The following CACNA1C variants were observed in gnomAD, a reference collection of about 807,000 sequenced individuals.
CACNA1C encodes voltage-dependent L-type calcium channel subunit alpha-1C.
Under a neutral mutation model 229.0 loss-of-function variants are expected in CACNA1C, and 30 were observed. The observed-to-expected ratio is 0.13, with a 90% CI of 0.10 to 0.18. CACNA1C has a LOEUF of 0.18. Among genes scored for constraint, CACNA1C ranks in the 10% least tolerant of loss-of-function variants. CACNA1C has a pLI of 1.00. For synonymous variants in CACNA1C, 1,114 were observed against 1,132.5 expected (o/e 0.98, Z 0.33); for missense variants, 1,658 against 2,845.0 (o/e 0.58, Z 9.49).
chr12:2,360,724 C>T (rs1002494256), intron 3 of CACNA1C, among the ~76,000 whole-genome samples: 1 of 152,214 alleles, frequency 6.6e-6, no homozygotes, highest in African/African-American at 2.4e-5. Context: ...TCTCTGAGGT[C>T]CATCCAGCTC....
chr12:2,431,657 C>A (rs1042488155), intron 3 of CACNA1C, among the ~76,000 whole-genome samples: 1 of 152,244 alleles, frequency 6.6e-6, no homozygotes, highest in African/African-American at 2.4e-5. Context: ...GTGAGATCAT[C>A]TACATAAAAC....
At chr12:2,428,266 G>A (rs76770308) in intron 3 of CACNA1C, among the ~76,000 whole-genome samples, 72 of 152,250 alleles carry the variant, frequency 4.7e-4, no homozygotes, top group East Asian at 3.3e-3. Context: ...CTTTAACCAG[G>A]TCTAATGGGC....
At chr12:2,138,000 T>C (rs1007542818) in intron 3 of CACNA1C, among the ~76,000 whole-genome samples, 1 of 151,578 alleles carries the variant, frequency 6.6e-6, no homozygotes, top group African/African-American at 2.4e-5. Context: ...TGGGTCTAGC[T>C]GAACTCTGGC....
At chr12:2,370,270 T>C (rs2097830452) in intron 3 of CACNA1C, among the ~76,000 whole-genome samples, 1 of 152,244 alleles carries the variant, frequency 6.6e-6, no homozygotes, top group South Asian at 2.1e-4. Context: ...AAAAAAGTTA[T>C]AACCTTTCTG....
At chr12:2,472,767 C>T (rs182565355) in intron 5 of CACNA1C, among the ~76,000 whole-genome samples, 32 of 152,104 alleles carry the variant, frequency 2.1e-4, no homozygotes, top group East Asian at 1.9e-4. Flanking sequence ...TTCTTTTTAC[C>T]GAATATTAGA....
rs957521145 is a variant in CACNA1C, at chr12:2,397,738, C to T, written c.478-51238C>T. Reference sequence around the variant, plus strand: ...TCACCTGTGAGTGGGATTAGAGCGTCTGCAGAGGGCATCCTGCTGGCTTCC... The same window carrying T: ...TCACCTGTGAGTGGGATTAGAGCGTTTGCAGAGGGCATCCTGCTGGCTTCC... On this transcript the variant is annotated intron_variant, in intron 3 of 46. Transcript: ENST00000399655. Among the ~76,000 whole-genome samples the T allele has an allele frequency of 5.3e-5, 8 of 152,226 alleles. No individual in the cohort carries two copies. The East Asian group carries it at 1.5e-3, about 29-fold the overall frequency.
chr12:2,040,352 A>G (rs981748440), intron 1 of CACNA1C, among the ~76,000 whole-genome samples: 2 of 152,176 alleles, frequency 1.3e-5, no homozygotes, highest in Non-Finnish European at 2.9e-5. Flanking sequence ...TAGAAGTGAC[A>G]GCAAATAATG....
Position 1,971,033 on chromosome 12 carries a change from A to T in CACNA1C, c.-30A>T, listed in dbSNP as rs2032044284. On this transcript the variant is annotated 5_prime_UTR_variant, in exon 1 of 47. Coordinates refer to the CACNA1C transcript ENST00000682462. The surrounding 1 kb of genome is among the most constrained non-coding windows in gnomAD (Gnocchi z 4.2). Reference sequence around the variant, plus strand: ...GGATAATTATTTAGCTTTAAAAATCAACCAATTAATATACATCTGGAAATT... The same window carrying T: ...GGATAATTATTTAGCTTTAAAAATCTACCAATTAATATACATCTGGAAATT... 2 of 1,261,868 alleles carry T rather than the reference A, an allele frequency of 1.6e-6. No homozygotes were observed. The highest frequency in any genetic ancestry group is 1.5e-5 in the African/African-American group (1 of 64,878). 78.2% of individuals were successfully genotyped at this position (1,261,868 alleles called of 1,614,324 possible). A position where few individuals can be genotyped will look rare whatever the true frequency, so the allele number is the denominator to read the frequency against.
In CACNA1C at chr12:2,691,144, G is replaced by A. The variant is rs759953087; in HGVS notation, c.6362G>A (p.Gly2121Asp). Residue 2121 changes from glycine (G) to aspartate (D), a missense_variant, in exon 47 of 47, where the codon GGT (glycine) becomes GAT (aspartate). Gly to Asp is a moderately conservative substitution (Grantham distance 94, BLOSUM62 -1). This residue lies in a region of CACNA1C where 590 missense variants were observed against 700.8 expected (regional missense o/e 0.84). Coordinates refer to ENST00000399655, the MANE Select transcript of CACNA1C (RefSeq NM_000719.7). Reference protein sequence around the residue: ...EEDAGCVRARGRPSEEELQDS... With the variant: ...EEDAGCVRARDRPSEEELQDS... ...GACGCGGGCTGTGTGCGCGCGCGGG[G>A]TCGACCGAGTGAGGAGGAGCTCCAG... 1.2e-6 allele frequency: 2 copies of A among 1,606,522 alleles called. No homozygotes were observed. The highest frequency in any genetic ancestry group is 2.7e-5 in the African/African-American group (2 of 74,744).
chr12:2,464,708 C>T (rs895266404), intron 5 of CACNA1C, among the ~76,000 whole-genome samples: 2 of 152,180 alleles, frequency 1.3e-5, no homozygotes, highest in Admixed American at 1.3e-4. Flanking sequence ...AATGTTATAT[C>T]TGGAAGCACA....
chr12:2,147,604 T>C (rs2094842062), intron 3 of CACNA1C, among the ~76,000 whole-genome samples: 1 of 151,190 alleles, frequency 6.6e-6, no homozygotes, highest in Non-Finnish European at 1.5e-5. Flanking sequence ...AGAGTAAAGA[T>C]TGAATGAGTG....
At chr12:2,684,394 TATGAG>T (rs2097337038) in intron 43 of CACNA1C, among the ~76,000 whole-genome samples, 1 of 152,170 alleles carries the variant, frequency 6.6e-6, no homozygotes, top group Non-Finnish European at 1.5e-5. Flanking sequence ...TGAAGCTCCT[TATGAG>T]ATAACTGTCT....
At chr12:2,583,627 C>A (rs942812293) in intron 15 of CACNA1C, among the ~76,000 whole-genome samples, 6 of 152,178 alleles carry the variant, frequency 3.9e-5, no homozygotes, top group African/African-American at 1.4e-4. Context: ...AGCCTGCAGA[C>A]AAGGTTTCCT....
intron 3 of CACNA1C, among the ~76,000 whole-genome samples, chr12:2,137,259 C>T (rs2093630060): frequency 6.6e-6 from 1 of 151,334 alleles, no homozygotes; most frequent in African/African-American, 2.4e-5. Flanking sequence ...CTACCTCTGC[C>T]TGGTGGCACG....
At chr12:2,496,391 T>G (rs1027231035) in intron 7 of CACNA1C, among the ~76,000 whole-genome samples, 1 of 152,180 alleles carries the variant, frequency 6.6e-6, no homozygotes, top group Non-Finnish European at 1.5e-5. Context: ...TTTTCAAATA[T>G]AGTAATGCAT....
At chr12:2,607,621 T>A (rs1264526235) in intron 26 of CACNA1C, among the ~76,000 whole-genome samples, 1 of 152,244 alleles carries the variant, frequency 6.6e-6, no homozygotes, top group Non-Finnish European at 1.5e-5. Context: ...AGGAAAGGGA[T>A]GGAAGCCCGG....
chr12:2,265,615 TGCA>T (rs2082104458), intron 3 of CACNA1C, among the ~76,000 whole-genome samples: 1 of 152,252 alleles, frequency 6.6e-6, no homozygotes, highest in Non-Finnish European at 1.5e-5. Flanking sequence ...TCCCTGCAAA[TGCA>T]GGGTGACGCT....
At chr12:2,051,751 G>A (rs999582943), upstream of CACNA1C, among the ~76,000 whole-genome samples, 2 of 152,236 alleles carry the variant, frequency 1.3e-5, no homozygotes, top group African/African-American at 4.8e-5. Flanking sequence ...CGATGGGGAA[G>A]GCTGTGTGAG....
In CACNA1C at chr12:2,566,907, A is replaced by G. The variant is rs946496705; in HGVS notation, c.1669+325A>G. On this transcript the variant is annotated intron_variant, in intron 12 of 46. Coordinates refer to ENST00000399655, the MANE Select transcript of CACNA1C (RefSeq NM_000719.7). This position sits in a 1 kb window ranked among gnomAD's most constrained non-coding sequence, Gnocchi z 4.0. ...GACTCCTGGCTGCCAACTCCCCAGCATGGATTTTAAATACCTGGGGGCCTT... is the reference window on the plus strand; with the variant it reads ...GACTCCTGGCTGCCAACTCCCCAGCGTGGATTTTAAATACCTGGGGGCCTT... Among the ~76,000 whole-genome samples, 2 of 152,188 alleles carry G rather than the reference A, an allele frequency of 1.3e-5. No individual in the cohort carries two copies. Among genetic ancestry groups the G allele is most frequent in the Non-Finnish European group, 2.9e-5 (2 of 68,022 alleles).
Sources: allele counts gnomAD v4.1 joint callset (sites outside exome capture counted in the v4.1 genomes callset), GRCh38; gene constraint gnomAD v4.1.1; regional missense constraint gnomAD v4.1.1; non-coding constraint Gnocchi (gnomAD v3.1); transcripts MANE v1.5; gene names NCBI Gene and HGNC (gene_info 2026-07-23, HGNC 2026-07-21).